Variants in NDUFV3 observed in about 807,000 individuals in gnomAD.
The protein encoded by NDUFV3 is NADH:ubiquinone oxidoreductase subunit V3, also known as NADH dehydrogenase [ubiquinone] flavoprotein 3, mitochondrial.
NDUFV3 carries 44 observed loss-of-function variants against 37.5 expected under a neutral mutation model. The ratio of observed to expected loss-of-function variants is 1.17; its 90% CI spans 0.92 to 1.51. NDUFV3 has a LOEUF of 1.51. NDUFV3 is among the 40% of genes most tolerant of loss of function. NDUFV3 has a pLI of 0.00. For missense variants in NDUFV3, 580 were observed against 580.4 expected (o/e 1.00, Z 0.01); for synonymous variants, 235 against 239.3 (o/e 0.98, Z 0.17).
At chr21:42,905,099 A>T (rs921159156) in intron 3 of NDUFV3, among the ~76,000 whole-genome samples, 1 of 152,076 alleles carries the variant, frequency 6.6e-6, no homozygotes, top group African/African-American at 2.4e-5. Flanking sequence ...CCCAACCTTC[A>T]TCTTAAAGAG....
chr21:42,906,574 A>G (rs979502667), intron 3 of NDUFV3, among the ~76,000 whole-genome samples: 4 of 152,168 alleles, frequency 2.6e-5, no homozygotes, highest in Non-Finnish European at 5.9e-5. Context: ...ATAAAAACAG[A>G]ATTGGGAGTT....
intron 3 of NDUFV3, among the ~76,000 whole-genome samples, chr21:42,906,544 C>T (rs1403081516): frequency 2.0e-5 from 3 of 152,168 alleles, no homozygotes; most frequent in Admixed American, 6.5e-5. Flanking sequence ...AAAATGGAGA[C>T]GAATAACACA....
intron 1 of NDUFV3, among the ~76,000 whole-genome samples, chr21:42,894,466 A>ATATATAT (rs1238811861): frequency 5.9e-5 from 4 of 67,336 alleles, no homozygotes; most frequent in African/African-American, 3.1e-4. Context: ...GTTTATATAA[A>ATATATAT]TATATATTAT....
chr21:42,894,311 GTA>G (rs530097965), intron 1 of NDUFV3, among the ~76,000 whole-genome samples: 3 of 71,992 alleles, frequency 4.2e-5, no homozygotes, highest in South Asian at 3.7e-4. Flanking sequence ...ATGCGTGTGT[GTA>G]TATATATATA....
rs1261170972 is a variant in NDUFV3, at chr21:42,893,318, G to A, written c.-16G>A. ...CAGCTGCTGTGGCCCTGCTTGGTGC[G>A]CCCGCTGTCACCGCCATGGCTGCCC... On this transcript the variant is annotated 5_prime_UTR_variant, in exon 1 of 4. Coordinates refer to ENST00000354250, the MANE Select transcript of NDUFV3 (RefSeq NM_021075.4). 2 of 1,537,518 alleles carry A rather than the reference G, an allele frequency of 1.3e-6. No homozygotes were observed.
In NDUFV3 at chr21:42,894,479, A is replaced by T. The variant is rs868198530; in HGVS notation, c.48+1098A>T. Among the ~76,000 whole-genome samples the T allele has an allele frequency of 1.4e-4, 9 of 64,276 alleles. No homozygotes were observed. The South Asian group carries it at 3.5e-3, about 25-fold the overall frequency. 42.2% of individuals were successfully genotyped at this position (64,276 alleles called of 152,430 possible). A position where few individuals can be genotyped will look rare whatever the true frequency, so the allele number is the denominator to read the frequency against. ...ATGTTTATATAAATATATATTATAT[A>T]TTTATATATTTATATAATATATAAT... On this transcript the variant is annotated intron_variant, in intron 1 of 3. Coordinates refer to ENST00000354250, the MANE Select transcript of NDUFV3 (RefSeq NM_021075.4).
At chr21:42,907,697 C>T (rs543196061) in intron 3 of NDUFV3, among the ~76,000 whole-genome samples, 2 of 152,116 alleles carry the variant, frequency 1.3e-5, no homozygotes, top group East Asian at 1.9e-4. Context: ...GCAATCTGCC[C>T]GCCTCAGCCT....
At chr21:42,894,889 A>G (rs1379342823) in intron 1 of NDUFV3, among the ~76,000 whole-genome samples, 2 of 152,054 alleles carry the variant, frequency 1.3e-5, no homozygotes, top group Non-Finnish European at 2.9e-5. Flanking sequence ...AGAACATTGT[A>G]CTGTCTAGCA....
intron 3 of NDUFV3, among the ~76,000 whole-genome samples, chr21:42,904,491 C>CTT (rs11321406): frequency 0.016 from 1,974 of 125,826 alleles, 93 homozygotes; most frequent in African/African-American, 0.052. Flanking sequence ...ATTTAACGTT[C>CTT]TTTTTTTTTT....
In NDUFV3 at chr21:42,895,414, G is replaced by A. The variant is rs190356989; in HGVS notation, c.49-1513G>A. ...GGAGAATTGCTTGAACCCACGAGGC[G>A]GAGATTGTAGTGAGCCGAGGTTGCG... On this transcript the variant is annotated intron_variant, in intron 1 of 3. Transcript: ENST00000354250. Among the ~76,000 whole-genome samples, 68 of 152,224 alleles carry A rather than the reference G, an allele frequency of 4.5e-4. 1 individual carries two copies. In the South Asian group the frequency reaches 0.012, roughly 26 times the overall value.
intron 2 of NDUFV3, 84 bp from the exon 3 acceptor site, chr21:42,903,098 G>C: frequency 1.3e-6 from 2 of 1,540,962 alleles, no homozygotes; most frequent in Non-Finnish European, 1.8e-6. Context: ...TCAGTAATAA[G>C]TAATGTGTCA....
At chr21:42,908,680 G>A (rs1024385251) in intron 3 of NDUFV3, among the ~76,000 whole-genome samples, 184 bp from the exon 4 acceptor site, 3 of 149,702 alleles carry the variant, frequency 2.0e-5, no homozygotes, top group African/African-American at 7.4e-5. Context: ...GCTGTTCACA[G>A]ATAGGGTTGA....
In NDUFV3 at chr21:42,895,706, T is replaced by C. The variant is rs535969620; in HGVS notation, c.49-1221T>C. Among the ~76,000 whole-genome samples, 9 of 150,854 alleles carry C rather than the reference T, an allele frequency of 6.0e-5. No homozygotes were observed. In the South Asian group the frequency reaches 1.9e-3, roughly 31 times the overall value. On this transcript the variant is annotated intron_variant, in intron 1 of 3. Coordinates refer to ENST00000354250, the MANE Select transcript of NDUFV3 (RefSeq NM_021075.4). ...AGAAACGTGGTATTTTGTAGGTTAA[T>C]AAATAATTGGAGACTACAAAAAAAA...
chr21:42,893,507 TGA>T (rs2058667299), intron 1 of NDUFV3, 126 bp downstream of exon 1: 8 of 1,106,630 alleles, frequency 7.2e-6, no homozygotes, highest in Non-Finnish European at 1.0e-5. Flanking sequence ...GTTGGGCCGC[TGA>T]CCCCGCTCCC....
At chr21:42,906,621 T>G (rs760917470) in intron 3 of NDUFV3, among the ~76,000 whole-genome samples, 2 of 152,210 alleles carry the variant, frequency 1.3e-5, no homozygotes, top group Non-Finnish European at 2.9e-5. Flanking sequence ...AAAGTTCTAA[T>G]ATTTCACGGG....
intron 2 of NDUFV3, among the ~76,000 whole-genome samples, chr21:42,900,821 G>A (rs1433636680): frequency 6.6e-6 from 1 of 152,186 alleles, no homozygotes; most frequent in African/African-American, 2.4e-5. Flanking sequence ...TTCATCAGAG[G>A]TGTCCAGCTT....
chr21:42,901,146 C>T (rs549175613), intron 2 of NDUFV3, among the ~76,000 whole-genome samples: 5 of 151,840 alleles, frequency 3.3e-5, no homozygotes, highest in African/African-American at 9.7e-5. Flanking sequence ...TAAATAGTGG[C>T]TCAGTAAAAA....
At position 42,908,906 on chromosome 21, in the gene NDUFV3, A is replaced by G; in HGVS notation, c.1307A>G (p.Tyr436Cys). 1 of 1,614,124 alleles carries G rather than the reference A, an allele frequency of 6.2e-7. No homozygotes were observed. Among genetic ancestry groups the G allele is most frequent in the Non-Finnish European group, 8.5e-7 (1 of 1,180,020 alleles). The change falls in exon 4 of 4, where the codon TAC (tyrosine) becomes TGC (cysteine). Residue 436 changes from tyrosine (Y) to cysteine (C), a missense_variant. Transcript: ENST00000354250. ...VPAEPFDNTTYKNLQHHDYST... is the reference protein window; with the variant it reads ...VPAEPFDNTTCKNLQHHDYST... ...GCTGAGCCGTTTGACAACACTACCT[A>G]CAAGAACCTGCAGCATCATGACTAC...
At position 42,904,285 on chromosome 21, in the gene NDUFV3, T is replaced by G; in HGVS notation, c.1264+9T>G. The G allele has an allele frequency of 6.3e-7, 1 of 1,580,284 alleles. No individual in the cohort carries two copies. The highest frequency in any genetic ancestry group is 8.6e-7 in the Non-Finnish European group (1 of 1,162,762). ...CCGAGGCGGCACACAGGGTATACCTTGACTCGCGCTCCCAAGTGCACCCTG... is the reference window on the plus strand; with the variant it reads ...CCGAGGCGGCACACAGGGTATACCTGGACTCGCGCTCCCAAGTGCACCCTG... On this transcript the variant is annotated intron_variant, in intron 3 of 3. Coordinates refer to ENST00000354250, the MANE Select transcript of NDUFV3 (RefSeq NM_021075.4).
Sources: gnomAD v4.1 joint callset for allele counts (sites outside exome capture counted in the v4.1 genomes callset) on GRCh38, gnomAD v4.1.1 for gene constraint, MANE v1.5 for transcripts, NCBI Gene and HGNC (gene_info 2026-07-23, HGNC 2026-07-21) for gene names.